The following BCAS3 variants were observed in gnomAD, a reference collection of about 807,000 sequenced individuals.
BCAS3 encodes BCAS3 microtubule associated cell migration factor.
In BCAS3, 53 loss-of-function variants were observed where a neutral mutation model predicts 116.1. That is an observed-to-expected ratio of 0.46 (90% CI 0.37 to 0.57). The LOEUF is 0.57. BCAS3 is among the 20% of genes least tolerant of loss of function. The pLI is 0.00. For synonymous variants in BCAS3, 391 were observed against 408.2 expected, an observed-to-expected ratio of 0.96 and a Z score of 0.51; for missense variants, 917 against 1,165.4, an observed-to-expected ratio of 0.79 and a Z score of 3.10.
rs2080772654 is a variant in BCAS3, at chr17:61,200,758, A to G, written c.2425+116194A>G. Among the ~76,000 whole-genome samples the G allele has an allele frequency of 6.6e-6, 1 of 152,268 alleles. No homozygotes were observed. The highest frequency in any genetic ancestry group is 1.5e-5 in the Non-Finnish European group (1 of 68,046). On this transcript the variant is annotated intron_variant, in intron 22 of 23. Transcript: ENST00000407086. This position sits in a 1 kb window ranked among gnomAD's most constrained non-coding sequence, Gnocchi z 5.1. ...CTTTGCCACACCCATAGGATCAGGT[A>G]CAGTTAACCTGTTTGAGCCTAATAA...
chr17:60,846,760 T>C (rs2052573335), intron 7 of BCAS3, among the ~76,000 whole-genome samples: 1 of 152,046 alleles, frequency 6.6e-6, no homozygotes, highest in East Asian at 1.9e-4. Flanking sequence ...CCTCCCTGCC[T>C]CCCTCCCTTC....
chr17:61,150,631 T>C (rs1180060719), intron 22 of BCAS3, among the ~76,000 whole-genome samples: 1 of 152,204 alleles, frequency 6.6e-6, no homozygotes, highest in Non-Finnish European at 1.5e-5. Flanking sequence ...GTTTCTCAAC[T>C]CTCCTCATTA....
At position 61,276,175 on chromosome 17, in the gene BCAS3, C is replaced by A. The variant is rs111961265; in HGVS notation, c.2426-92152C>A. Among the ~76,000 whole-genome samples the A allele has an allele frequency of 1.3e-5, 2 of 152,002 alleles. No homozygotes were observed. The highest frequency in any genetic ancestry group is 4.2e-4 in the South Asian group (2 of 4,810). On this transcript the variant is annotated intron_variant, in intron 22 of 23. Transcript: ENST00000407086. The surrounding 1 kb of genome is among the most constrained non-coding windows in gnomAD (Gnocchi z 4.2). ...ACCAGGCTGACCAACATGGTGAAAC[C>A]CCATTTCTACTAAAGATACATTAAA...
At position 61,286,505 on chromosome 17, in the gene BCAS3, C is replaced by T. The variant is rs910274140; in HGVS notation, c.2426-81822C>T. Among the ~76,000 whole-genome samples the T allele has an allele frequency of 2.6e-5, 4 of 152,090 alleles. No individual in the cohort carries two copies. Among genetic ancestry groups the T allele is most frequent in the South Asian group, 2.1e-4 (1 of 4,818 alleles). On this transcript the variant is annotated intron_variant, in intron 22 of 23. Coordinates refer to ENST00000407086, the MANE Select transcript of BCAS3 (RefSeq NM_017679.5). This position sits in a 1 kb window ranked among gnomAD's most constrained non-coding sequence, Gnocchi z 4.8. The stretch of plus-strand genomic sequence containing the variant: ...GATAACTGGACCTAGAAGGGTTTCT[C>T]CAGATTTTCTCACGTTAGCATGCTG...
chr17:60,704,440 G>A (rs994283924), intron 4 of BCAS3, among the ~76,000 whole-genome samples: 3 of 152,156 alleles, frequency 2.0e-5, no homozygotes, highest in African/African-American at 7.2e-5. Context: ...TCTTTTCATT[G>A]TATAACAAGA....
chr17:61,388,978 ATT>A lies in BCAS3; in HGVS notation c.2594-2998_2594-2997del, dbSNP rs2059994821. ...TACCACATCATTCATTCATTCATTCATTCATTCATTCATTCATTCATTCATGC... is the reference window on the plus strand; with the variant it reads ...TACCACATCATTCATTCATTCATTCACATTCATTCATTCATTCATTCATGC... On this transcript the variant is annotated intron_variant, in intron 23 of 23. Transcript: ENST00000407086. The surrounding 1 kb of genome is among the most constrained non-coding windows in gnomAD (Gnocchi z 6.5). 1 of 405,852 alleles carries A rather than the reference ATT, an allele frequency of 2.5e-6. No individual in the cohort carries two copies. Among genetic ancestry groups the A allele is most frequent in the Non-Finnish European group, 4.4e-6 (1 of 227,132 alleles). 25.1% of individuals were successfully genotyped at this position (405,852 alleles called of 1,614,324 possible).
Position 61,391,906 on chromosome 17 carries a change from C to G in BCAS3, c.2594-71C>G, listed in dbSNP as rs1293811741. ...AGAATGGTGCCTCAAGGCAGGCAGC[C>G]TGGCCCAGATGGTGCCCCCACTCCC... On this transcript the variant is annotated intron_variant, in intron 23 of 23. Transcript: ENST00000407086. The surrounding 1 kb of genome is among the most constrained non-coding windows in gnomAD (Gnocchi z 7.7). The G allele has an allele frequency of 6.5e-7, 1 of 1,543,576 alleles. No individual in the cohort carries two copies. The highest frequency in any genetic ancestry group is 8.8e-7 in the Non-Finnish European group (1 of 1,138,394).
chr17:60,819,100 G>A (rs1286695205), intron 7 of BCAS3, among the ~76,000 whole-genome samples: 1 of 152,070 alleles, frequency 6.6e-6, no homozygotes, highest in East Asian at 1.9e-4. Context: ...TTTATAATAT[G>A]TCTTAAAATG....
intron 19 of BCAS3, among the ~76,000 whole-genome samples, chr17:61,043,162 T>G (rs1324311046): frequency 2.6e-5 from 4 of 151,746 alleles, no homozygotes; most frequent in African/African-American, 7.3e-5. Context: ...CTCAGGAGTT[T>G]GAGACCAGCC....
At chr17:61,011,436 A>G (rs191811891) in intron 15 of BCAS3, among the ~76,000 whole-genome samples, 1 of 152,054 alleles carries the variant, frequency 6.6e-6, no homozygotes, top group African/African-American at 2.4e-5. Flanking sequence ...TAAAGTTATC[A>G]AGTCTAACCT....
intron 13 of BCAS3, 21 bp downstream of exon 13, chr17:60,924,521 T>A: frequency 2.3e-6 from 3 of 1,329,402 alleles, no homozygotes; most frequent in Non-Finnish European, 3.0e-6. Context: ...TCTCTGTCTT[T>A]TTTTTTTTTT....
At position 61,381,203 on chromosome 17, in the gene BCAS3, G is replaced by T. The variant is rs562277004; in HGVS notation, c.2594-10774G>T. On this transcript the variant is annotated intron_variant, in intron 23 of 23. Coordinates refer to ENST00000407086, the MANE Select transcript of BCAS3 (RefSeq NM_017679.5). The surrounding 1 kb of genome is among the most constrained non-coding windows in gnomAD (Gnocchi z 6.0). ...TGCACTTCCACCCGACAGGCAAATCGATATCTTAATACACCAAAGTGGAAT... is the reference window on the plus strand; with the variant it reads ...TGCACTTCCACCCGACAGGCAAATCTATATCTTAATACACCAAAGTGGAAT... Among the ~76,000 whole-genome samples the T allele has an allele frequency of 6.6e-6, 1 of 152,276 alleles. No individual in the cohort carries two copies. The highest frequency in any genetic ancestry group is 2.1e-4 in the South Asian group (1 of 4,814).
At chr17:61,086,768 G>T (rs887858416) in intron 22 of BCAS3, 52 of 985,244 alleles carry the variant, frequency 5.3e-5, no homozygotes, top group Admixed American at 1.2e-4. Context: ...CATGTGTGCT[G>T]CCTTCTTTAA....
In BCAS3 at chr17:61,105,609, T is replaced by A. The variant is rs1260159405; in HGVS notation, c.2425+21045T>A. Among the ~76,000 whole-genome samples the A allele has an allele frequency of 6.6e-6, 1 of 152,044 alleles. No homozygotes were observed. Among genetic ancestry groups the A allele is most frequent in the Non-Finnish European group, 1.5e-5 (1 of 68,000 alleles). On this transcript the variant is annotated intron_variant, in intron 22 of 23. Transcript: ENST00000407086. The surrounding 1 kb of genome is among the most constrained non-coding windows in gnomAD (Gnocchi z 4.3). ...CCAGCTAATTTTGTATTTTTTTTAG[T>A]ATAGATGGGGTTTCTCCATGTTGGT...
Position 61,381,444 on chromosome 17 carries a change from G to C in BCAS3, c.2594-10533G>C, listed in dbSNP as rs1282330913. Among the ~76,000 whole-genome samples the C allele has an allele frequency of 6.6e-6, 1 of 152,092 alleles. No individual in the cohort carries two copies. The highest frequency in any genetic ancestry group is 2.4e-5 in the African/African-American group (1 of 41,396). On this transcript the variant is annotated intron_variant, in intron 23 of 23. Transcript: ENST00000407086. The surrounding 1 kb of genome is among the most constrained non-coding windows in gnomAD (Gnocchi z 6.0). ...TGATCCTTTCCCAGCCGCGGCGTGT[G>C]GGCTTGAGACACAGGCTGGGACCCC...
chr17:61,251,029 T>C lies in BCAS3; in HGVS notation c.2426-117298T>C, dbSNP rs966027469. On this transcript the variant is annotated intron_variant, in intron 22 of 23. Coordinates refer to ENST00000407086, the MANE Select transcript of BCAS3 (RefSeq NM_017679.5). The surrounding 1 kb of genome is among the most constrained non-coding windows in gnomAD (Gnocchi z 4.7). Reference sequence around the variant, plus strand: ...ACTTCCTCCTCCCCAAGAATTCAGATGGTGAAACACCCTCATCCCTCCAGC... The same window carrying C: ...ACTTCCTCCTCCCCAAGAATTCAGACGGTGAAACACCCTCATCCCTCCAGC... 6.6e-6 allele frequency among the ~76,000 whole-genome samples: 1 copy of C among 152,184 alleles called. No individual in the cohort carries two copies. Among genetic ancestry groups the C allele is most frequent in the Non-Finnish European group, 1.5e-5 (1 of 68,034 alleles).
At chr17:61,342,777 A>G (rs1407534611) in intron 22 of BCAS3, among the ~76,000 whole-genome samples, 3 of 150,482 alleles carry the variant, frequency 2.0e-5, no homozygotes, top group African/African-American at 7.3e-5. Context: ...TGTGAGATAA[A>G]GTCTCCCTCT....
At chr17:60,820,413 A>C (rs2049854351) in intron 7 of BCAS3, among the ~76,000 whole-genome samples, 1 of 152,134 alleles carries the variant, frequency 6.6e-6, no homozygotes, top group African/African-American at 2.4e-5. Flanking sequence ...TAGGGGCTGG[A>C]TTCTGAAGGT....
chr17:60,848,186 T>C (rs1274254219), intron 7 of BCAS3, among the ~76,000 whole-genome samples: 1 of 152,234 alleles, frequency 6.6e-6, no homozygotes, highest in South Asian at 2.1e-4. Context: ...AGTTTCACAG[T>C]ATTTTGATAA....
Sources: allele counts gnomAD v4.1 joint callset (sites outside exome capture counted in the v4.1 genomes callset), GRCh38; gene constraint gnomAD v4.1.1; non-coding constraint Gnocchi (gnomAD v3.1); transcripts MANE v1.5; gene names NCBI Gene and HGNC (gene_info 2026-07-23, HGNC 2026-07-21).